The following COG2 variants were observed in gnomAD, a reference collection of about 807,000 sequenced individuals.
The protein encoded by COG2 is conserved oligomeric Golgi complex subunit 2.
A neutral mutation model predicts 90.6 loss-of-function variants in COG2; 52 were observed. That is an observed-to-expected ratio of 0.57 (90% CI 0.46 to 0.72). The LOEUF (loss-of-function observed/expected upper bound fraction) is 0.72. Among genes scored for constraint, COG2 ranks in the 30% least tolerant of loss-of-function variants. The probability of loss-of-function intolerance (pLI) is 0.00; values close to 1 mark genes in which losing one functional copy is unlikely to be tolerated. For synonymous variants in COG2, 337 were observed against 320.4 expected, an observed-to-expected ratio of 1.05 and a Z score of -0.55; for missense variants, 829 against 891.2, an observed-to-expected ratio of 0.93 and a Z score of 0.89.
intron 8 of COG2, among the ~76,000 whole-genome samples, chr1:230,673,100 G>A (rs1662493810): frequency 6.6e-6 from 1 of 152,148 alleles, no homozygotes; most frequent in African/African-American, 2.4e-5. Context: ...TAAGAACATA[G>A]TAGAAATCAT....
intron 1 of COG2, among the ~76,000 whole-genome samples, chr1:230,648,256 AGATACAG>A (rs1389039299): frequency 9.2e-5 from 14 of 152,220 alleles, no homozygotes; most frequent in African/African-American, 3.4e-4. Context: ...CCTGTAGATG[AGATACAG>A]GAAAGCGGAT....
chr1:230,656,020 C>G (rs1225332198), intron 1 of COG2, among the ~76,000 whole-genome samples: 2 of 152,068 alleles, frequency 1.3e-5, no homozygotes, highest in Admixed American at 6.5e-5. Flanking sequence ...AGAGGTCTAT[C>G]TATTTTGTTG....
Position 230,659,562 on chromosome 1 carries a change from AAC to A in COG2, c.173_174del (p.Thr58SerfsTer45). 1 of 1,614,098 alleles carries A rather than the reference AAC, an allele frequency of 6.2e-7. No individual in the cohort carries two copies. Among genetic ancestry groups the A allele is most frequent in the Non-Finnish European group, 8.5e-7 (1 of 1,179,992 alleles). ...DLELYYKLLK[T>X]AMVELINKDY... ...TGGAGCTCTACTATAAACTTCTTAA[AAC>A]AGCCATGGTCGAACTCATCAACAAG... On this transcript the variant is annotated frameshift_variant, in exon 2 of 18. Coordinates refer to ENST00000366669, the MANE Select transcript of COG2 (RefSeq NM_007357.3). LOFTEE classifies it high-confidence loss of function.
At chr1:230,681,137 G>A (rs1662738844) in intron 10 of COG2, 1 of 152,104 alleles carries the variant, frequency 6.6e-6, no homozygotes, top group Admixed American at 6.5e-5. Flanking sequence ...TGCACCTACA[G>A]GCATATTGGA....
At chr1:230,645,958 C>T (rs565828488) in intron 1 of COG2, among the ~76,000 whole-genome samples, 1 of 152,152 alleles carries the variant, frequency 6.6e-6, no homozygotes, top group Non-Finnish European at 1.5e-5. Flanking sequence ...TGCTGGGCCA[C>T]CCGGTTCCCC....
At chr1:230,670,135 T>C (rs1420562341) in intron 7 of COG2, 1 of 152,344 alleles carries the variant, frequency 6.6e-6, no homozygotes, top group Non-Finnish European at 1.5e-5. Context: ...AGAACTTGGC[T>C]ATGCAGTATC....
At chr1:230,688,975 C>T (rs1167193745) in intron 15 of COG2, among the ~76,000 whole-genome samples, 2 of 152,082 alleles carry the variant, frequency 1.3e-5, no homozygotes, top group Non-Finnish European at 2.9e-5. Context: ...CCAGGTTCTG[C>T]ATCCACAGAG....
In COG2 at chr1:230,668,920, G is replaced by A. The variant is rs553120551; in HGVS notation, c.594+136G>A. On this transcript the variant is annotated intron_variant, in intron 6 of 17. Transcript: ENST00000366669. ...TTTTTTTCAATTTTTAATTTTTTGG[G>A]CGCCAGCTTCCTAAGTGTCACACAT... The A allele has an allele frequency of 3.6e-5, 20 of 558,230 alleles. 1 individual carries two copies. The South Asian group carries it at 5.2e-4, about 14-fold the overall frequency. 34.6% of individuals were successfully genotyped at this position (558,230 alleles called of 1,614,324 possible).
chr1:230,647,411 C>G (rs953058832), intron 1 of COG2, among the ~76,000 whole-genome samples: 1 of 152,116 alleles, frequency 6.6e-6, no homozygotes, highest in African/African-American at 2.4e-5. Flanking sequence ...GAGAATAATG[C>G]CTGGCTGATT....
At chr1:230,658,438 GGGC>G (rs891285898) in intron 1 of COG2, among the ~76,000 whole-genome samples, 4 of 152,086 alleles carry the variant, frequency 2.6e-5, no homozygotes, top group African/African-American at 9.7e-5. Context: ...CGTCCCAGAG[GGGC>G]ACCTGCCAGA....
At chr1:230,663,095 G>A (rs777653198) in intron 3 of COG2, 46 bp from the exon 4 acceptor site, 2 of 1,475,598 alleles carry the variant, frequency 1.4e-6, no homozygotes, top group Non-Finnish European at 1.8e-6. Flanking sequence ...ATTTCATAAT[G>A]TTACAAAACA....
At chr1:230,681,855 T>A (rs1177096772) in intron 10 of COG2, 1 of 152,248 alleles carries the variant, frequency 6.6e-6, no homozygotes, top group Non-Finnish European at 1.5e-5. Flanking sequence ...CTAGGCCAAG[T>A]GACTCAGGCA....
chr1:230,647,776 T>C lies in COG2; in HGVS notation c.72+5098T>C, dbSNP rs139672858. The stretch of plus-strand genomic sequence containing the variant: ...CTTTAAATCACCTCTAGATTACTTA[T>C]ACTACCTAATACAGTGAAATTGTTG... On this transcript the variant is annotated intron_variant, in intron 1 of 17. Coordinates refer to ENST00000366669, the MANE Select transcript of COG2 (RefSeq NM_007357.3). 6.7e-3 allele frequency among the ~76,000 whole-genome samples: 1,026 copies of C among 152,354 alleles called. 10 individuals carry two copies. Among genetic ancestry groups the C allele is most frequent in the African/African-American group, 0.023 (950 of 41,588 alleles).
chr1:230,674,286 C>T (rs1358465063), intron 8 of COG2, among the ~76,000 whole-genome samples: 1 of 152,148 alleles, frequency 6.6e-6, no homozygotes, highest in African/African-American at 2.4e-5. Flanking sequence ...AAACCAAGCA[C>T]AGAGAAGTTA....
intron 5 of COG2, among the ~76,000 whole-genome samples, chr1:230,665,700 G>T (rs150761710): frequency 1.3e-5 from 2 of 152,160 alleles, no homozygotes; most frequent in East Asian, 3.9e-4. Context: ...TCTTCAGCCT[G>T]TAGTACTTCT....
Position 230,671,643 on chromosome 1 carries a change from A to G in COG2, c.899+3A>G. ...GTCACAGGAGGTGCCATCTCCAGGT[A>G]ATTTAAACAACCCTGTGTGGACCCC... On this transcript the variant is annotated splice_donor_region_variant and intron_variant, in intron 8 of 17. Transcript: ENST00000366669. 1 of 1,613,342 alleles carries G rather than the reference A, an allele frequency of 6.2e-7. No homozygotes were observed.
At chr1:230,669,581 C>A in intron 7 of COG2, 46 bp downstream of exon 7, 1 of 1,530,468 alleles carries the variant, frequency 6.5e-7, no homozygotes, top group Non-Finnish European at 8.9e-7. Context: ...TCTGTTCTGT[C>A]TTTGACTCTT....
intron 15 of COG2, among the ~76,000 whole-genome samples, chr1:230,689,263 A>T (rs1412925265): frequency 2.2e-4 from 34 of 151,872 alleles, no homozygotes; most frequent in Non-Finnish European, 1.5e-5. Context: ...ATATGCAAAT[A>T]TTATGCCATT....
chr1:230,692,896 A>G (rs553603073), intron 17 of COG2, among the ~76,000 whole-genome samples: 4 of 152,198 alleles, frequency 2.6e-5, no homozygotes, highest in African/African-American at 9.6e-5. Context: ...AACTCATCTG[A>G]TTCTAAAAGG....
Sources: gnomAD v4.1 joint callset for allele counts (sites outside exome capture counted in the v4.1 genomes callset) on GRCh38, gnomAD v4.1.1 for gene constraint, MANE v1.5 for transcripts, NCBI Gene and HGNC (gene_info 2026-07-23, HGNC 2026-07-21) for gene names.